LPIN2: variants seen among roughly 807,000 people sequenced by gnomAD.
LPIN2 encodes the protein lipin 2.
LPIN2 carries 55 observed loss-of-function variants against 111.4 expected under a neutral mutation model. That is an observed-to-expected ratio of 0.49 (90% confidence interval 0.40 to 0.62). LPIN2 has a LOEUF of 0.62. Ranked by LOEUF, LPIN2 falls within the 20% of genes least tolerant of loss-of-function variation. The pLI is 0.00. For missense variants in LPIN2, 992 were observed against 1,112.1 expected, an observed-to-expected ratio of 0.89 and a Z score of 1.54; for synonymous variants, 425 against 414.0, an observed-to-expected ratio of 1.03 and a Z score of -0.32.
intron 1 of LPIN2, among the ~76,000 whole-genome samples, chr18:3,004,189 C>CA (rs1418129199): frequency 6.6e-6 from 1 of 152,188 alleles, no homozygotes; most frequent in Non-Finnish European, 1.5e-5. Context: ...CATAGACCCT[C>CA]ATCAGTAATT....
At chr18:2,954,073 G>T (rs1378120344) in intron 3 of LPIN2, among the ~76,000 whole-genome samples, 1 of 152,150 alleles carries the variant, frequency 6.6e-6, no homozygotes, top group Non-Finnish European at 1.5e-5. Flanking sequence ...CAAGGTGAGG[G>T]ATGTAATATC....
chr18:2,921,078 T>TCTTACAAGTCTA, intron 18 of LPIN2, 197 bp from the exon 19 acceptor site: 1 of 629,900 alleles, frequency 1.6e-6, no homozygotes. Flanking sequence ...TCAGAAAACT[T>TCTTACAAGTCTA]GGGCAGCCAC....
At chr18:2,971,747 GAAAA>G (rs11369729) in intron 1 of LPIN2, among the ~76,000 whole-genome samples, 2 of 139,270 alleles carry the variant, frequency 1.4e-5, no homozygotes, top group African/African-American at 2.7e-5. Flanking sequence ...CCATGCACTG[GAAAA>G]AAAAAAAAAA....
intron 7 of LPIN2, among the ~76,000 whole-genome samples, chr18:2,936,705 A>G (rs976727893): frequency 6.6e-6 from 1 of 152,072 alleles, no homozygotes; most frequent in Admixed American, 6.6e-5. Context: ...TCAGCCTCCC[A>G]AGTAGCTGGG....
rs1183619133 is a variant in LPIN2 at position 2,934,342 on chromosome 18, C to T, written c.1268+9G>A. On this transcript the variant is annotated intron_variant, in intron 8 of 19. Coordinates refer to ENST00000677752, the MANE Select transcript of LPIN2 (RefSeq NM_001375808.2). The stretch of plus-strand genomic sequence containing the variant: ...AGAGCTGTCCTTCAATAAATAAGGA[C>T]CACTCTACCTTTTAGGGAAATAAAG... The T allele has an allele frequency of 1.3e-5, 20 of 1,575,664 alleles. No individual in the cohort carries two copies. The highest frequency in any genetic ancestry group is 1.7e-5 in the Non-Finnish European group (19 of 1,145,380).
chr18:2,994,472 A>G (rs1362084516), intron 1 of LPIN2, among the ~76,000 whole-genome samples: 1 of 152,224 alleles, frequency 6.6e-6, no homozygotes. Flanking sequence ...GACTGGATTT[A>G]TAGCTTTAAA....
intron 7 of LPIN2, among the ~76,000 whole-genome samples, 159 bp downstream of exon 7, chr18:2,937,533 G>A (rs1426561209): frequency 4.3e-5 from 5 of 117,048 alleles, no homozygotes; most frequent in Non-Finnish European, 6.7e-5. Context: ...TAACAAGAGC[G>A]AAACTCCAGC....
Position 2,934,359 on chromosome 18 carries a change from G to T in LPIN2, c.1260C>A (p.Phe420Leu). 1 of 1,608,748 alleles carries T rather than the reference G, an allele frequency of 6.2e-7. No individual in the cohort carries two copies. The highest frequency in any genetic ancestry group is 1.7e-4 in the Middle Eastern group (1 of 6,052). ...GLEPEVAALY[F>L]PKSESEPGSR... ...AATAAGGACCACTCTACCTTTTAGG[G>T]AAATAAAGAGCTGCAACTTCAGGTT... The change falls in exon 8 of 20, where the codon TTC becomes TTA. Residue 420 changes from phenylalanine to leucine, a missense_variant. Transcript: ENST00000677752.
intron 1 of LPIN2, among the ~76,000 whole-genome samples, chr18:2,983,109 C>G (rs2078137223): frequency 6.6e-6 from 1 of 152,158 alleles, no homozygotes; most frequent in African/African-American, 2.4e-5. Flanking sequence ...TAATGATTCT[C>G]TAAACCAATC....
rs377661526 is a variant in LPIN2, at chr18:2,931,270, C to G, written c.1442G>C (p.Gly481Ala). The G allele has an allele frequency of 1.5e-5, 24 of 1,614,036 alleles. No homozygotes were observed. In the African/African-American group the frequency reaches 2.9e-4, roughly 20 times the overall value. ...LSLCGGLSEN[G>A]EISKEKFMEH... ...ACCCAACGTACCTTTTGAAATTTCT[C>G]CATTTTCACTGAGGCCCCCGCAAAG... Residue 481 changes from glycine to alanine, a missense_variant, in exon 9 of 20, where the codon GGA becomes GCA. This residue lies in a region of LPIN2 where 709 missense variants were observed against 753.2 expected (regional missense o/e 0.94). Coordinates refer to ENST00000677752, the MANE Select transcript of LPIN2 (RefSeq NM_001375808.2).
intron 7 of LPIN2, among the ~76,000 whole-genome samples, chr18:2,934,863 G>A (rs1263652547): frequency 1.3e-5 from 2 of 152,150 alleles, no homozygotes; most frequent in African/African-American, 4.8e-5. Flanking sequence ...TTCACATGGT[G>A]CCCAAGTATC....
intron 1 of LPIN2, among the ~76,000 whole-genome samples, chr18:2,987,795 A>C (rs2078208089): frequency 6.6e-6 from 1 of 152,096 alleles, no homozygotes; most frequent in East Asian, 1.9e-4. Flanking sequence ...TTTTAAGTGT[A>C]CTTAGAATCC....
chr18:2,951,309 A>C lies in LPIN2; in HGVS notation c.336T>G (p.Asp112Glu). The change falls in exon 4 of 20, where the codon GAT becomes GAG. Residue 112 changes from aspartate (D) to glutamate (E), a missense_variant. Coordinates refer to ENST00000677752, the MANE Select transcript of LPIN2 (RefSeq NM_001375808.2). The stretch of plus-strand genomic sequence containing the variant: ...GGGTGTCAATATCTTTAAAGAACTG[A>C]TCTTCAGTAGGAATTGGTGAGGTGG... ...YLATSPIPTE[D>E]QFFKDIDTPL... 6.2e-7 allele frequency: 1 copy of C among 1,614,130 alleles called. No individual in the cohort carries two copies. The highest frequency in any genetic ancestry group is 8.5e-7 in the Non-Finnish European group (1 of 1,180,018).
At chr18:2,922,778 G>T (rs142308988) in intron 16 of LPIN2, among the ~76,000 whole-genome samples, 10 of 152,154 alleles carry the variant, frequency 6.6e-5, no homozygotes, top group Non-Finnish European at 1.5e-4. Context: ...TCTAGTCCAT[G>T]AAAGCCAGAT....
intron 14 of LPIN2, 118 bp from the exon 15 acceptor site, chr18:2,924,664 G>A: frequency 1.9e-6 from 2 of 1,045,572 alleles, no homozygotes; most frequent in South Asian, 2.7e-5. Flanking sequence ...TGGTTTCCGG[G>A]GTCTTAGACA....
chr18:2,953,734 ACTTTATT>A (rs749482494), intron 3 of LPIN2, among the ~76,000 whole-genome samples: 4 of 152,160 alleles, frequency 2.6e-5, no homozygotes, highest in African/African-American at 9.7e-5. Context: ...GCTATTTGAG[ACTTTATT>A]CTTTATGAAG....
At chr18:2,986,947 A>C (rs2143403072) in intron 1 of LPIN2, among the ~76,000 whole-genome samples, 1 of 152,134 alleles carries the variant, frequency 6.6e-6, no homozygotes, top group East Asian at 1.9e-4. Context: ...AGGACTCCTG[A>C]GGCCTCAGTT....
intron 1 of LPIN2, among the ~76,000 whole-genome samples, chr18:2,980,129 C>G (rs2078085028): frequency 6.6e-6 from 1 of 152,124 alleles, no homozygotes; most frequent in African/African-American, 2.4e-5. Context: ...GAAAATGGAA[C>G]TCAGAAAATG....
chr18:2,955,215 C>T (rs1157541098), intron 2 of LPIN2, among the ~76,000 whole-genome samples: 1 of 152,200 alleles, frequency 6.6e-6, no homozygotes, highest in Non-Finnish European at 1.5e-5. Flanking sequence ...ATACACAAGG[C>T]TGGGCAATTT....
Sources: allele counts gnomAD v4.1 joint callset (sites outside exome capture counted in the v4.1 genomes callset), GRCh38; gene constraint gnomAD v4.1.1; regional missense constraint gnomAD v4.1.1; transcripts MANE v1.5; gene names NCBI Gene and HGNC (gene_info 2026-07-23, HGNC 2026-07-21).